Variants in DCC observed in about 807,000 individuals in gnomAD.
DCC encodes netrin receptor DCC.
Under a neutral mutation model 172.5 loss-of-function variants are expected in DCC, and 58 were observed. That is an observed-to-expected ratio of 0.34 (90% CI 0.27 to 0.42). The LOEUF (loss-of-function observed/expected upper bound fraction) is 0.42. Ranked by LOEUF, DCC falls within the 10% of genes least tolerant of loss-of-function variation. The pLI is 1.00. For synonymous variants in DCC, 709 were observed against 644.5 expected (o/e 1.10, Z -1.52); for missense variants, 1,740 against 1,791.0 (o/e 0.97, Z 0.51).
chr18:53,396,395 C>G (rs1908946855), intron 17 of DCC, among the ~76,000 whole-genome samples: 1 of 151,926 alleles, frequency 6.6e-6, no homozygotes, highest in African/African-American at 2.4e-5. Flanking sequence ...TTTGAGTAAG[C>G]AATAAAGAAC....
intron 7 of DCC, among the ~76,000 whole-genome samples, chr18:53,131,597 T>C (rs1217570602): frequency 6.6e-6 from 1 of 152,164 alleles, no homozygotes; most frequent in Non-Finnish European, 1.5e-5. Flanking sequence ...TTCCCGCATA[T>C]ATCAGTAAAC....
chr18:52,369,446 C>T (rs1326444157), intron 1 of DCC, among the ~76,000 whole-genome samples: 1 of 151,786 alleles, frequency 6.6e-6, no homozygotes, highest in Non-Finnish European at 1.5e-5. Flanking sequence ...CCATTTCTTA[C>T]CATTTGTGTT....
intron 24 of DCC, among the ~76,000 whole-genome samples, chr18:53,464,065 T>C (rs1502233): frequency 0.57 from 86,751 of 152,046 alleles, 25,321 homozygotes; most frequent in Non-Finnish European, 0.61. Context: ...GATGATAAGT[T>C]ATTGCTTCAT....
intron 1 of DCC, among the ~76,000 whole-genome samples, chr18:52,602,707 A>G (rs2034043190): frequency 6.6e-6 from 1 of 152,014 alleles, no homozygotes; most frequent in African/African-American, 2.4e-5. Context: ...TTACAATGAA[A>G]AATACTCTAG....
intron 1 of DCC, among the ~76,000 whole-genome samples, chr18:52,700,361 ACACACACATG>A (rs1200357560): frequency 9.7e-4 from 146 of 150,064 alleles, no homozygotes; most frequent in African/African-American, 3.0e-3. Context: ...TCACATGCAC[ACACACACATG>A]CACACACATG....
chr18:52,567,762 C>A (rs1017646438), intron 1 of DCC, among the ~76,000 whole-genome samples: 5 of 151,934 alleles, frequency 3.3e-5, no homozygotes, highest in Non-Finnish European at 5.9e-5. Flanking sequence ...TACTACTAAG[C>A]AGTATGTCCA....
At chr18:52,808,507 T>C (rs893241239) in intron 2 of DCC, among the ~76,000 whole-genome samples, 2 of 152,100 alleles carry the variant, frequency 1.3e-5, no homozygotes, top group African/African-American at 4.8e-5. Flanking sequence ...AAAACAATTT[T>C]ATAAATGTAA....
chr18:53,375,119 A>G (rs1303050323), intron 15 of DCC, among the ~76,000 whole-genome samples: 1 of 152,216 alleles, frequency 6.6e-6, no homozygotes, highest in Non-Finnish European at 1.5e-5. Flanking sequence ...TAGGGTTCCT[A>G]CGAAGATAAG....
At chr18:52,549,180 A>T (rs2032695995) in intron 1 of DCC, among the ~76,000 whole-genome samples, 1 of 152,016 alleles carries the variant, frequency 6.6e-6, no homozygotes, top group Admixed American at 6.6e-5. Context: ...TGGATTTTGG[A>T]GAGAATATAT....
At chr18:52,742,227 C>T (rs922505996) in intron 1 of DCC, among the ~76,000 whole-genome samples, 1 of 152,220 alleles carries the variant, frequency 6.6e-6, no homozygotes, top group African/African-American at 2.4e-5. Flanking sequence ...CTGAAGCAGA[C>T]TATGACAATA....
intron 5 of DCC, among the ~76,000 whole-genome samples, chr18:52,972,766 C>T (rs1295187500): frequency 6.6e-6 from 1 of 152,156 alleles, no homozygotes; most frequent in Non-Finnish European, 1.5e-5. Context: ...CTTAATGGTA[C>T]TTGATGATGC....
At chr18:53,104,323 C>A (rs1460829140) in intron 7 of DCC, among the ~76,000 whole-genome samples, 1 of 152,020 alleles carries the variant, frequency 6.6e-6, no homozygotes, top group Non-Finnish European at 1.5e-5. Flanking sequence ...ATAATTGAAT[C>A]ATGGGGCAGG....
intron 7 of DCC, among the ~76,000 whole-genome samples, chr18:53,106,178 G>T (rs961857512): frequency 3.3e-5 from 5 of 151,802 alleles, no homozygotes; most frequent in Non-Finnish European, 7.4e-5. Flanking sequence ...GGGCTTGATG[G>T]GTTAAGACTC....
At chr18:52,450,674 T>C (rs347546) in intron 1 of DCC, among the ~76,000 whole-genome samples, 141,106 of 152,198 alleles carry the variant, frequency 0.93, 65,469 homozygotes, top group Admixed American at 0.96. Context: ...AAGATAGAAC[T>C]TCATCCATTT....
intron 26 of DCC, among the ~76,000 whole-genome samples, chr18:53,493,142 T>A (rs963030753): frequency 1.3e-5 from 2 of 152,168 alleles, no homozygotes; most frequent in Admixed American, 1.3e-4. Flanking sequence ...TATTGATGTA[T>A]AGGAATGCTT....
At chr18:52,432,123 C>T (rs1987644636) in intron 1 of DCC, among the ~76,000 whole-genome samples, 1 of 152,188 alleles carries the variant, frequency 6.6e-6, no homozygotes, top group Non-Finnish European at 1.5e-5. Context: ...TTTGAAATCA[C>T]TGCTGCTCCT....
At chr18:52,914,784 G>A (rs962536979) in intron 3 of DCC, among the ~76,000 whole-genome samples, 2 of 152,124 alleles carry the variant, frequency 1.3e-5, no homozygotes, top group African/African-American at 4.8e-5. Context: ...TAAGCAGCCA[G>A]CAGGTGAACA....
At chr18:53,424,971 T>C (rs913309814) in intron 21 of DCC, among the ~76,000 whole-genome samples, 1 of 152,070 alleles carries the variant, frequency 6.6e-6, no homozygotes, top group Admixed American at 6.5e-5. Context: ...TGGAAACCCA[T>C]CCACTCTTGG....
intron 21 of DCC, among the ~76,000 whole-genome samples, chr18:53,426,478 T>TATA: frequency 6.9e-6 from 1 of 145,044 alleles, no homozygotes; most frequent in Non-Finnish European, 1.5e-5. Context: ...ATATATATTT[T>TATA]TATATATGTA....
Sources: allele counts gnomAD v4.1 joint callset (sites outside exome capture counted in the v4.1 genomes callset), GRCh38; gene constraint gnomAD v4.1.1; transcripts MANE v1.5; gene names NCBI Gene and HGNC (gene_info 2026-07-23, HGNC 2026-07-21).